Variants in PDE4D observed in about 807,000 individuals in gnomAD.
PDE4D encodes the protein 3',5'-cyclic-AMP phosphodiesterase 4D.
Under a neutral mutation model 87.4 loss-of-function variants are expected in PDE4D, and 24 were observed. That is an observed-to-expected ratio of 0.27 (90% CI 0.20 to 0.39). PDE4D has a LOEUF of 0.39. Ranked by LOEUF, PDE4D falls within the 10% of genes least tolerant of loss-of-function variation. The probability of loss-of-function intolerance (pLI) is 1.00; values close to 1 mark genes in which losing one functional copy is unlikely to be tolerated. For missense variants in PDE4D, 714 were observed against 1,041.0 expected (o/e 0.69, Z 4.32); for synonymous variants, 384 against 383.2 (o/e 1.00, Z -0.02).
chr5:59,099,255 T>C (rs1363636878), intron 5 of PDE4D, among the ~76,000 whole-genome samples: 1 of 152,184 alleles, frequency 6.6e-6, no homozygotes, highest in Non-Finnish European at 1.5e-5. Context: ...CACAACTGGT[T>C]AGCCAAAGAA....
At chr5:60,393,175 C>A (rs1387540338) in intron 1 of PDE4D, among the ~76,000 whole-genome samples, 1 of 152,154 alleles carries the variant, frequency 6.6e-6, no homozygotes, top group African/African-American at 2.4e-5. Context: ...ATTCCACAAC[C>A]TGCTTTTGTG....
chr5:59,564,064 C>T (rs533090638), intron 1 of PDE4D, among the ~76,000 whole-genome samples: 79 of 152,248 alleles, frequency 5.2e-4, no homozygotes, highest in African/African-American at 1.7e-3. Context: ...GGTTCAAATC[C>T]CAGCTCTGCC....
intron 1 of PDE4D, among the ~76,000 whole-genome samples, chr5:60,303,305 TTC>T (rs1187386196): frequency 6.8e-6 from 1 of 146,378 alleles, no homozygotes; most frequent in Non-Finnish European, 1.5e-5. Context: ...ATATCTGGAT[TTC>T]TTTTTTTTTT....
At chr5:59,783,895 T>G (rs1764875819) in intron 1 of PDE4D, among the ~76,000 whole-genome samples, 1 of 151,934 alleles carries the variant, frequency 6.6e-6, no homozygotes, top group African/African-American at 2.4e-5. Flanking sequence ...GGCGAAACCC[T>G]ATCTCTACAA....
At chr5:59,224,556 C>T (rs2153513233) in intron 1 of PDE4D, among the ~76,000 whole-genome samples, 1 of 152,156 alleles carries the variant, frequency 6.6e-6, no homozygotes, top group African/African-American at 2.4e-5. Flanking sequence ...TGATAAAAGG[C>T]CAATTTTTCT....
intron 1 of PDE4D, among the ~76,000 whole-genome samples, chr5:59,852,027 T>C (rs906711648): frequency 4.6e-5 from 7 of 152,092 alleles, no homozygotes; most frequent in Non-Finnish European, 1.0e-4. Flanking sequence ...AAATTATTTG[T>C]TAGACAGCAA....
At chr5:58,984,936 G>T (rs1746060131) in intron 11 of PDE4D, among the ~76,000 whole-genome samples, 1 of 152,030 alleles carries the variant, frequency 6.6e-6, no homozygotes, top group Non-Finnish European at 1.5e-5. Context: ...ATTTGAGATG[G>T]AGTTTCACTC....
intron 1 of PDE4D, among the ~76,000 whole-genome samples, chr5:60,208,009 A>C (rs1291181296): frequency 1.3e-5 from 2 of 152,234 alleles, no homozygotes; most frequent in Non-Finnish European, 2.9e-5. Flanking sequence ...TTGTTCTTTC[A>C]GATACTTATT....
At chr5:59,869,029 T>C (rs574763453) in intron 1 of PDE4D, among the ~76,000 whole-genome samples, 1 of 152,196 alleles carries the variant, frequency 6.6e-6, no homozygotes, top group Non-Finnish European at 1.5e-5. Flanking sequence ...TTCAGCACAT[T>C]TTTATTGAAT....
intron 3 of PDE4D, among the ~76,000 whole-genome samples, chr5:59,188,166 T>G (rs1743356714): frequency 6.6e-6 from 1 of 152,154 alleles, no homozygotes; most frequent in South Asian, 2.1e-4. Flanking sequence ...TAAGGCTCCT[T>G]TTACAGTTGT....
chr5:59,507,928 T>C (rs1809578464), intron 1 of PDE4D, among the ~76,000 whole-genome samples: 1 of 152,156 alleles, frequency 6.6e-6, no homozygotes, highest in Admixed American at 6.6e-5. Context: ...CATGGAAATT[T>C]ACCACATTTT....
intron 1 of PDE4D, among the ~76,000 whole-genome samples, chr5:59,251,903 T>C (rs1233815972): frequency 6.6e-6 from 1 of 151,850 alleles, no homozygotes; most frequent in African/African-American, 2.4e-5. Context: ...CTATTATCCT[T>C]AGCAAATTAA....
At chr5:59,476,092 T>C (rs933424770) in intron 1 of PDE4D, among the ~76,000 whole-genome samples, 3 of 152,054 alleles carry the variant, frequency 2.0e-5, no homozygotes, top group Non-Finnish European at 4.4e-5. Flanking sequence ...CACCAACCTA[T>C]TCTCCCTTCC....
At chr5:60,174,624 A>C (rs1225502746) in intron 2 of PDE4D, among the ~76,000 whole-genome samples, 1 of 152,144 alleles carries the variant, frequency 6.6e-6, no homozygotes, top group Non-Finnish European at 1.5e-5. Flanking sequence ...GGAACCTAAA[A>C]AGTTCAGTCA....
At chr5:59,299,799 G>A (rs994857227) in intron 1 of PDE4D, among the ~76,000 whole-genome samples, 2 of 151,950 alleles carry the variant, frequency 1.3e-5, no homozygotes, top group Admixed American at 6.6e-5. Context: ...GTAGATTAAC[G>A]AGAAACACTG....
intron 5 of PDE4D, among the ~76,000 whole-genome samples, chr5:59,101,006 A>T (rs574921574): frequency 1.3e-5 from 2 of 152,292 alleles, no homozygotes; most frequent in East Asian, 3.9e-4. Context: ...CACAGTGAAC[A>T]ATGGTCCTGT....
chr5:60,396,373 A>G (rs1762883710), intron 1 of PDE4D, among the ~76,000 whole-genome samples: 1 of 152,100 alleles, frequency 6.6e-6, no homozygotes. Flanking sequence ...ACCCTGCCAC[A>G]TATTTCTTTG....
At chr5:59,303,240 G>GT (rs1554126272) in intron 1 of PDE4D, among the ~76,000 whole-genome samples, 1 of 151,930 alleles carries the variant, frequency 6.6e-6, no homozygotes, top group Non-Finnish European at 1.5e-5. Context: ...GGGATTGTTT[G>GT]TTTTTTTCTT....
intron 1 of PDE4D, among the ~76,000 whole-genome samples, chr5:60,440,606 A>C (rs551700732): frequency 1.4e-3 from 213 of 152,280 alleles, no homozygotes; most frequent in Middle Eastern, 3.4e-3. Context: ...TATTACAGGC[A>C]GAGGAAGCAA....
Sources: allele counts gnomAD v4.1 joint callset (sites outside exome capture counted in the v4.1 genomes callset), GRCh38; gene constraint gnomAD v4.1.1; transcripts MANE v1.5; gene names NCBI Gene and HGNC (gene_info 2026-07-23, HGNC 2026-07-21).